ZNF654: variants seen among roughly 807,000 people sequenced by gnomAD.
ZNF654 encodes melanoma-associated antigen.
Under a neutral mutation model 95.3 loss-of-function variants are expected in ZNF654, and 19 were observed. That is an observed-to-expected ratio of 0.20 (90% CI 0.14 to 0.29). The LOEUF (loss-of-function observed/expected upper bound fraction) is 0.29, where lower values mean the gene tolerates loss of function less well. Among genes scored for constraint, ZNF654 ranks in the 10% least tolerant of loss-of-function variants. ZNF654 has a pLI of 1.00. For missense variants in ZNF654, 1,046 were observed against 1,341.0 expected (o/e 0.78, Z 3.44); for synonymous variants, 413 against 457.9 (o/e 0.90, Z 1.25).
At chr3:88,083,941 T>TTATATATATATATATATATATATATATA (rs78670676) in intron 1 of ZNF654, among the ~76,000 whole-genome samples, 125 of 147,734 alleles carry the variant, frequency 8.5e-4, no homozygotes, top group Middle Eastern at 3.5e-3. Flanking sequence ...TGTACTTATT[T>TTATATATATATATATATATATATATATA]TATATATATA....
intron 1 of ZNF654, among the ~76,000 whole-genome samples, chr3:88,065,894 C>T (rs1161577848): frequency 6.6e-5 from 10 of 152,030 alleles, no homozygotes; most frequent in Admixed American, 1.3e-4. Flanking sequence ...CCACCATGCC[C>T]GGCTAAATTT....
intron 6 of ZNF654, among the ~76,000 whole-genome samples, chr3:88,131,694 T>C (rs570452721): frequency 6.6e-6 from 1 of 152,294 alleles, no homozygotes; most frequent in South Asian, 2.1e-4. Flanking sequence ...AAGGAGTCTT[T>C]AGCCTTCTTT....
intron 2 of ZNF654, among the ~76,000 whole-genome samples, chr3:88,109,387 G>T (rs1308917963): frequency 6.6e-6 from 1 of 152,028 alleles, no homozygotes; most frequent in African/African-American, 2.4e-5. Context: ...AAAGTTGAGT[G>T]TTTTAAATAA....
At chr3:88,076,328 T>C (rs1311631292) in intron 1 of ZNF654, among the ~76,000 whole-genome samples, 1 of 152,236 alleles carries the variant, frequency 6.6e-6, no homozygotes, top group Non-Finnish European at 1.5e-5. Context: ...TAGGTACTTT[T>C]GTAACCAGTC....
chr3:88,132,843 A>T (rs1706546880), intron 6 of ZNF654, among the ~76,000 whole-genome samples: 1 of 152,210 alleles, frequency 6.6e-6, no homozygotes, highest in Admixed American at 6.5e-5. Context: ...TACAGCTAGT[A>T]AGAAATGGAG....
In ZNF654 at chr3:88,062,009, A is replaced by G. The variant is rs76889401; in HGVS notation, c.186+2504A>G. Among the ~76,000 whole-genome samples, 1,194 of 152,308 alleles carry G rather than the reference A, an allele frequency of 7.8e-3. 22 individuals are homozygous for G. Among genetic ancestry groups the G allele is most frequent in the African/African-American group, 0.027 (1,138 of 41,568 alleles). ...GTGTGGGCAAAGGGAGAGAGGAAGG[A>G]ACACTTCTTTTCCAGAGGGGTTTTT... On this transcript the variant is annotated intron_variant, in intron 1 of 8. Coordinates refer to ENST00000636215, the MANE Select transcript of ZNF654 (RefSeq NM_001350134.2).
At chr3:88,138,368 C>T (rs1451005894) in intron 7 of ZNF654, among the ~76,000 whole-genome samples, 9 of 151,908 alleles carry the variant, frequency 5.9e-5, no homozygotes, top group Non-Finnish European at 4.4e-5. Flanking sequence ...TTTGTACCTA[C>T]AATAATAAAT....
chr3:88,129,941 A>G (rs1706346746), intron 6 of ZNF654, 115 bp downstream of exon 6: 8 of 988,260 alleles, frequency 8.1e-6, no homozygotes, highest in Non-Finnish European at 1.1e-5. Flanking sequence ...TTTAAAAAAA[A>G]ATTGATTGTG....
At chr3:88,105,123 A>C (rs1323155966) in intron 2 of ZNF654, among the ~76,000 whole-genome samples, 1 of 152,246 alleles carries the variant, frequency 6.6e-6, no homozygotes, top group Non-Finnish European at 1.5e-5. Context: ...TGAGCAAGAG[A>C]GCAAGACTCC....
chr3:88,090,358 GT>G (rs1186878114), intron 2 of ZNF654, among the ~76,000 whole-genome samples: 1 of 151,914 alleles, frequency 6.6e-6, no homozygotes, highest in African/African-American at 2.4e-5. Context: ...ATGTGACTTA[GT>G]TTTTAACAAC....
chr3:88,129,415 T>C (rs1224067299), intron 5 of ZNF654, among the ~76,000 whole-genome samples: 1 of 151,884 alleles, frequency 6.6e-6, no homozygotes, highest in African/African-American at 2.4e-5. Flanking sequence ...TTATTTTGTT[T>C]CTTAAGGTGA....
chr3:88,088,456 A>T lies in ZNF654; in HGVS notation c.332+2054A>T, dbSNP rs117730313. On this transcript the variant is annotated intron_variant, in intron 2 of 8. Coordinates refer to ENST00000636215, the MANE Select transcript of ZNF654 (RefSeq NM_001350134.2). The stretch of plus-strand genomic sequence containing the variant: ...AGAAGTTACGTACAACATTAAAAAC[A>T]TCAGTATCACGCTGTGTGAAAGGAA... Among the ~76,000 whole-genome samples, 40 of 152,288 alleles carry T rather than the reference A, an allele frequency of 2.6e-4. No individual in the cohort carries two copies. The East Asian group carries it at 7.7e-3, about 29-fold the overall frequency.
At chr3:88,133,062 C>T (rs1370718177) in intron 6 of ZNF654, among the ~76,000 whole-genome samples, 3 of 152,110 alleles carry the variant, frequency 2.0e-5, no homozygotes, top group Admixed American at 2.0e-4. Context: ...TGCTGTAGAC[C>T]AGCAGGAACA....
intron 6 of ZNF654, 45 bp downstream of exon 6, chr3:88,129,871 C>T: frequency 7.5e-7 from 1 of 1,336,756 alleles, no homozygotes; most frequent in South Asian, 2.1e-5. Flanking sequence ...AGATGGGCAA[C>T]AGAAAGGAAA....
At chr3:88,110,817 CTT>C (rs1705044366) in intron 2 of ZNF654, among the ~76,000 whole-genome samples, 1 of 152,092 alleles carries the variant, frequency 6.6e-6, no homozygotes, top group Non-Finnish European at 1.5e-5. Context: ...TAATTTCAGA[CTT>C]TTCTTCATAA....
intron 1 of ZNF654, 81 bp from the exon 2 acceptor site, chr3:88,086,176 C>G: frequency 7.7e-7 from 1 of 1,305,404 alleles, no homozygotes; most frequent in South Asian, 1.4e-5. Context: ...TTTAATTTAT[C>G]CAGTAACTTT....
intron 1 of ZNF654, among the ~76,000 whole-genome samples, chr3:88,063,381 C>G (rs1210000994): frequency 6.6e-6 from 1 of 152,132 alleles, no homozygotes; most frequent in African/African-American, 2.4e-5. Flanking sequence ...GGGCCAGGCA[C>G]TGTAATAGGT....
chr3:88,073,317 G>A (rs1052930874), intron 1 of ZNF654, among the ~76,000 whole-genome samples: 7 of 152,092 alleles, frequency 4.6e-5, no homozygotes, highest in Non-Finnish European at 1.0e-4. Context: ...AAAAAGAATT[G>A]GTAGATAATA....
chr3:88,074,344 CT>C (rs60776911), intron 1 of ZNF654, among the ~76,000 whole-genome samples: 29 of 137,586 alleles, frequency 2.1e-4, no homozygotes, highest in African/African-American at 3.5e-4. Flanking sequence ...TTATATCTTA[CT>C]TTTTTTTTTT....
Sources: gnomAD v4.1 joint callset for allele counts (sites outside exome capture counted in the v4.1 genomes callset) on GRCh38, gnomAD v4.1.1 for gene constraint, MANE v1.5 for transcripts, NCBI Gene and HGNC (gene_info 2026-07-23, HGNC 2026-07-21) for gene names.